The following TRAPPC11 variants were observed in gnomAD, a reference collection of about 807,000 sequenced individuals.
TRAPPC11 encodes the protein trafficking protein particle complex subunit 11.
In TRAPPC11, 104 loss-of-function variants were observed where a neutral mutation model predicts 151.2. The ratio of observed to expected loss-of-function variants is 0.69; its 90% CI spans 0.59 to 0.81. The LOEUF (loss-of-function observed/expected upper bound fraction) is 0.81, where lower values mean the gene tolerates loss of function less well. TRAPPC11 is among the 30% of genes least tolerant of loss of function. TRAPPC11 has a pLI of 0.00. For missense variants in TRAPPC11, 1,230 were observed against 1,349.6 expected, an observed-to-expected ratio of 0.91 and a Z score of 1.39; for synonymous variants, 456 against 472.3, an observed-to-expected ratio of 0.97 and a Z score of 0.45.
intron 25 of TRAPPC11, among the ~76,000 whole-genome samples, chr4:183,699,660 A>G (rs976363371): frequency 1.3e-5 from 2 of 152,166 alleles, no homozygotes; most frequent in African/African-American, 2.4e-5. Flanking sequence ...AAGTCCAAAA[A>G]ACAAGGTGTC....
At chr4:183,705,111 A>T in intron 27 of TRAPPC11, 41 bp downstream of exon 27, 1 of 1,321,688 alleles carries the variant, frequency 7.6e-7, no homozygotes, top group Non-Finnish European at 1.1e-6. Flanking sequence ...AGGACCCAAT[A>T]ATAATAGTTA....
chr4:183,696,695 C>G (rs1183249514), intron 23 of TRAPPC11, among the ~76,000 whole-genome samples: 1 of 152,146 alleles, frequency 6.6e-6, no homozygotes, highest in African/African-American at 2.4e-5. Flanking sequence ...ATGCCCACCC[C>G]CCCATTGTTT....
At chr4:183,686,160 A>G (rs1482815280) in intron 17 of TRAPPC11, among the ~76,000 whole-genome samples, 1 of 152,082 alleles carries the variant, frequency 6.6e-6, no homozygotes, top group Non-Finnish European at 1.5e-5. Flanking sequence ...TTTTTGAGAT[A>G]GAGCCTTGCT....
intron 7 of TRAPPC11, chr4:183,675,835 C>G (rs1326523272): frequency 1.3e-5 from 2 of 152,184 alleles, no homozygotes; most frequent in African/African-American, 4.8e-5. Flanking sequence ...CTGCTTAGAG[C>G]CTTGAAGATT....
rs141909783 is a variant in TRAPPC11 at position 183,664,012 on chromosome 4, G to C, written c.145G>C (p.Val49Leu). 0.013 allele frequency: 21,781 copies of C among 1,613,882 alleles called. 233 individuals carry two copies. The highest frequency in any genetic ancestry group is 0.041 in the South Asian group (3,706 of 91,066). Reference sequence around the variant, plus strand: ...CTGTGCAAATCGGAGAGCTGATCGAGTACCAATTTCTTTCAAGGTGCTCCC... The same window carrying C: ...CTGTGCAAATCGGAGAGCTGATCGACTACCAATTTCTTTCAAGGTGCTCCC... ...AFCANRRADR[V>L]PISFKVLPGD... is the part of the protein sequence containing the mutation. The change falls in exon 2 of 30, where the codon GTA becomes CTA. Residue 49 changes from valine (V) to leucine (L), a missense_variant. Transcript: ENST00000334690.
At chr4:183,691,206 C>A in intron 18 of TRAPPC11, 110 bp from the exon 19 acceptor site, 1 of 828,830 alleles carries the variant, frequency 1.2e-6, no homozygotes, top group Non-Finnish European at 1.7e-6. Flanking sequence ...ATTAGTAACC[C>A]TTCATAATGC....
At chr4:183,691,069 A>G (rs1008169580) in intron 18 of TRAPPC11, among the ~76,000 whole-genome samples, 1 of 152,228 alleles carries the variant, frequency 6.6e-6, no homozygotes, top group Non-Finnish European at 1.5e-5. Flanking sequence ...AACAAAGAAC[A>G]AACTGTTTCT....
chr4:183,697,834 T>C lies in TRAPPC11; in HGVS notation c.2850T>C (p.Asn950=), dbSNP rs376728526. ...ACCAGCTCGAGTCTCAAGTGGACAATGGTGAGTCTGGTTCATTCCCACTTA... is the reference window on the plus strand; with the variant it reads ...ACCAGCTCGAGTCTCAAGTGGACAACGGTGAGTCTGGTTCATTCCCACTTA... ...TVDQLESQVD[N]VILQTGESAS... Residue 950 remains asparagine, a splice_region_variant and synonymous_variant, in exon 25 of 30, where the codon AAT becomes AAC. Coordinates refer to ENST00000334690, the MANE Select transcript of TRAPPC11 (RefSeq NM_021942.6). 6.2e-7 allele frequency: 1 copy of C among 1,613,182 alleles called. No individual in the cohort carries two copies. Among genetic ancestry groups the C allele is most frequent in the South Asian group, 1.1e-5 (1 of 91,020 alleles).
intron 27 of TRAPPC11, among the ~76,000 whole-genome samples, chr4:183,706,602 TA>T (rs1012842479): frequency 6.6e-6 from 1 of 152,202 alleles, no homozygotes; most frequent in Non-Finnish European, 1.5e-5. Flanking sequence ...CAGTCATTTT[TA>T]GAAGGACACT....
In TRAPPC11 at chr4:183,684,182, A is replaced by C; in HGVS notation, c.1325A>C (p.Gln442Pro). The change falls in exon 13 of 30, where the codon CAG becomes CCG. Residue 442 changes from glutamine (Q) to proline (P), a missense_variant. Coordinates refer to ENST00000334690, the MANE Select transcript of TRAPPC11 (RefSeq NM_021942.6). ...IITLLSNAVA[Q>P]FKKYKCPRMK... ...ACTCTTCTGAGCAATGCTGTTGCACAGTTCAAGAAGTATAAGTGCCCGCGA... is the reference window on the plus strand; with the variant it reads ...ACTCTTCTGAGCAATGCTGTTGCACCGTTCAAGAAGTATAAGTGCCCGCGA... The C allele has an allele frequency of 6.2e-7, 1 of 1,614,088 alleles. No homozygotes were observed. The highest frequency in any genetic ancestry group is 8.5e-7 in the Non-Finnish European group (1 of 1,179,966).
intron 3 of TRAPPC11, chr4:183,666,822 A>G (rs1028389254): frequency 2.1e-6 from 1 of 471,688 alleles, no homozygotes; most frequent in East Asian, 3.2e-5. Context: ...AAAAGTATAC[A>G]TTAATCTTTT....
intron 1 of TRAPPC11, among the ~76,000 whole-genome samples, chr4:183,661,361 CTTTTTTTTTTTTTT>C (rs139201416): frequency 3.8e-5 from 3 of 79,394 alleles, no homozygotes; most frequent in African/African-American, 5.1e-5. Context: ...TGTAGATTAC[CTTTTTTTTTTTTTT>C]TTTTTTTTTT....
chr4:183,660,226 A>AT (rs1472300235), intron 1 of TRAPPC11, among the ~76,000 whole-genome samples: 1 of 152,206 alleles, frequency 6.6e-6, no homozygotes, highest in Non-Finnish European at 1.5e-5. Flanking sequence ...AGACTTTCTG[A>AT]TACAATTTTC....
intron 25 of TRAPPC11, among the ~76,000 whole-genome samples, chr4:183,699,631 T>C (rs576432159): frequency 6.6e-6 from 1 of 152,290 alleles, no homozygotes; most frequent in African/African-American, 2.4e-5. Context: ...TTCAACTGTA[T>C]TAAAGTTCTA....
At chr4:183,704,283 A>G (rs6827961) in intron 26 of TRAPPC11, among the ~76,000 whole-genome samples, 88,451 of 151,942 alleles carry the variant, frequency 0.58, 26,064 homozygotes, top group African/African-American at 0.66. Flanking sequence ...CACTTTGGGA[A>G]GCTGAGGCAG....
At chr4:183,670,894 T>G (rs1366826789) in intron 5 of TRAPPC11, among the ~76,000 whole-genome samples, 1 of 152,190 alleles carries the variant, frequency 6.6e-6, no homozygotes, top group Non-Finnish European at 1.5e-5. Context: ...CAAGTGATTC[T>G]TCTGCCTCAG....
chr4:183,682,969 ATGCTT>A (rs1389241960), intron 11 of TRAPPC11, 144 bp downstream of exon 11: 2 of 630,690 alleles, frequency 3.2e-6, no homozygotes, highest in Non-Finnish European at 5.6e-6. Flanking sequence ...TGTTTTTAGA[ATGCTT>A]TGTATGTATC....
intron 10 of TRAPPC11, among the ~76,000 whole-genome samples, chr4:183,680,983 G>A (rs369875150): frequency 3.4e-4 from 51 of 151,904 alleles, no homozygotes; most frequent in African/African-American, 1.1e-3. Context: ...GTGAGCCACC[G>A]CGCCTGGCCT....
intron 27 of TRAPPC11, 30 bp from the exon 28 acceptor site, chr4:183,706,777 C>G: frequency 1.9e-6 from 3 of 1,592,394 alleles, no homozygotes; most frequent in Non-Finnish European, 2.6e-6. Context: ...ATTTTTTAAA[C>G]CAAGAGAAGT....
Sources: allele counts gnomAD v4.1 joint callset (sites outside exome capture counted in the v4.1 genomes callset), GRCh38; gene constraint gnomAD v4.1.1; transcripts MANE v1.5; gene names NCBI Gene and HGNC (gene_info 2026-07-23, HGNC 2026-07-21).